SEMA7A: variants seen among roughly 807,000 people sequenced by gnomAD.
SEMA7A encodes semaphorin-7A.
A neutral mutation model predicts 67.5 loss-of-function variants in SEMA7A; 21 were observed. The ratio of observed to expected loss-of-function variants is 0.31; its 90% CI spans 0.22 to 0.45. SEMA7A has a LOEUF of 0.45. SEMA7A is among the 20% of genes least tolerant of loss of function. SEMA7A has a pLI of 1.00. For synonymous variants in SEMA7A, 364 were observed against 368.5 expected, an observed-to-expected ratio of 0.99 and a Z score of 0.14; for missense variants, 774 against 908.6, an observed-to-expected ratio of 0.85 and a Z score of 1.90.
intron 1 of SEMA7A, among the ~76,000 whole-genome samples, chr15:74,428,900 A>G (rs548348272): frequency 6.4e-4 from 98 of 152,250 alleles, no homozygotes; most frequent in African/African-American, 2.2e-3. Context: ...GGAAGGGGGA[A>G]CTCTGTCCTC....
At position 74,433,813 on chromosome 15, in the gene SEMA7A, G is replaced by A. The variant is rs1325786385; in HGVS notation, c.106C>T (p.Leu36=). The change falls in exon 1 of 14, where the codon CTG becomes TTG. Residue 36 remains leucine (L), a synonymous_variant. Coordinates refer to ENST00000261918, the MANE Select transcript of SEMA7A (RefSeq NM_003612.5). ...GLPLRLRLLL[L]LWAAAASAQG... is the part of the protein sequence containing the mutation. The stretch of plus-strand genomic sequence containing the variant: ...GCGGAGGCGGCGGCCGCCCAGAGCA[G>A]CAGCAGCAGCCGCAGCCGCAGCGGA... 2 of 1,388,096 alleles carry A rather than the reference G, an allele frequency of 1.4e-6. No individual in the cohort carries two copies. Among genetic ancestry groups the A allele is most frequent in the African/African-American group, 3.0e-5 (2 of 66,122 alleles). The allele number at this position is 1,388,096 out of a possible 1,614,324, so 86.0% of individuals were successfully genotyped here. A position where few individuals can be genotyped will look rare whatever the true frequency, so the allele number is the denominator to read the frequency against.
Position 74,414,095 on chromosome 15 carries a change from C to T in SEMA7A, c.1294+452G>A, listed in dbSNP as rs998613824. On this transcript the variant is annotated intron_variant, in intron 10 of 13. Coordinates refer to ENST00000261918, the MANE Select transcript of SEMA7A (RefSeq NM_003612.5). This position sits in a 1 kb window ranked among gnomAD's most constrained non-coding sequence, Gnocchi z 4.1. ...ACTCCTTCCTCATACCTAATTTGTG[C>T]CCCATCAACTCCTCAAATGTTTCCT... is the stretch of plus-strand genomic sequence containing the variant. 3.3e-5 allele frequency among the ~76,000 whole-genome samples: 5 copies of T among 152,212 alleles called. No homozygotes were observed. The highest frequency in any genetic ancestry group is 2.6e-4 in the Admixed American group (4 of 15,284).
intron 6 of SEMA7A, 75 bp from the exon 7 acceptor site, chr15:74,416,789 C>T (rs1269565546): frequency 2.6e-6 from 4 of 1,523,850 alleles, no homozygotes; most frequent in Non-Finnish European, 2.7e-6. Flanking sequence ...TGCACACTCT[C>T]CTCCCTCCTT....
At chr15:74,417,740 A>G (rs1259167973) in intron 4 of SEMA7A, 65 bp from the exon 5 acceptor site, 9 of 1,551,032 alleles carry the variant, frequency 5.8e-6, no homozygotes, top group Non-Finnish European at 7.1e-6. Flanking sequence ...CATGACGGCC[A>G]GTTTCTCGGC....
chr15:74,433,883 G>T lies in SEMA7A; in HGVS notation c.36C>A (p.Ser12Arg), dbSNP rs1201511710. ...TPPPPGRAAP[S>R]APRARVPGPP... ...GGCCAGGGACGCGGGCGCGCGGTGCGCTGGGGGCGGCACGTCCGGGCGGAG... is the reference window on the plus strand; with the variant it reads ...GGCCAGGGACGCGGGCGCGCGGTGCTCTGGGGGCGGCACGTCCGGGCGGAG... The change falls in exon 1 of 14, where the codon AGC becomes AGA. Residue 12 changes from serine to arginine, a missense_variant. Physicochemically the swap from Ser to Arg is moderately radical, Grantham distance 110 (BLOSUM62 -1). Coordinates refer to ENST00000261918, the MANE Select transcript of SEMA7A (RefSeq NM_003612.5). 73 of 1,269,548 alleles carry T rather than the reference G, an allele frequency of 5.8e-5. No homozygotes were observed. Among genetic ancestry groups the T allele is most frequent in the Non-Finnish European group, 7.1e-5 (72 of 1,013,064 alleles). The allele number at this position is 1,269,548 out of a possible 1,614,324, so 78.6% of individuals were successfully genotyped here.
At position 74,410,884 on chromosome 15, in the gene SEMA7A, C is replaced by A; in HGVS notation, c.1741G>T (p.Glu581Ter). ...RHATYSWRHK[E>*]NVEQSCEPGH... ...GGTTCGCAGCTCTGCTCCACGTTCTCCTTGTGGCGCCATGAGTAGGTGGCG... is the reference window on the plus strand; with the variant it reads ...GGTTCGCAGCTCTGCTCCACGTTCTACTTGTGGCGCCATGAGTAGGTGGCG... Residue 581 changes from glutamate to a stop codon, truncating the protein, a stop_gained, in exon 14 of 14, where the codon GAG becomes TAG. Coordinates refer to ENST00000261918, the MANE Select transcript of SEMA7A (RefSeq NM_003612.5). LOFTEE classifies it low-confidence loss of function (END_TRUNC). The surrounding 1 kb of genome is among the most constrained non-coding windows in gnomAD (Gnocchi z 7.5). 1 of 1,614,182 alleles carries A rather than the reference C, an allele frequency of 6.2e-7. No homozygotes were observed. The highest frequency in any genetic ancestry group is 8.5e-7 in the Non-Finnish European group (1 of 1,180,040).
At chr15:74,413,207 G>C (rs765848862) in intron 10 of SEMA7A, among the ~76,000 whole-genome samples, 1 of 152,170 alleles carries the variant, frequency 6.6e-6, no homozygotes, top group Non-Finnish European at 1.5e-5. Context: ...CAGACATACT[G>C]CCCTATACCT....
chr15:74,417,870 T>C lies in SEMA7A; in HGVS notation c.465+7A>G. On this transcript the variant is annotated splice_region_variant and intron_variant, in intron 4 of 13. Coordinates refer to ENST00000261918, the MANE Select transcript of SEMA7A (RefSeq NM_003612.5). ...CTGATCAGGCACATGGGGAGCAGCC[T>C]TCTCACCAGGTTCCAGCAGCTGGGG... The C allele has an allele frequency of 6.2e-7, 1 of 1,613,320 alleles. No homozygotes were observed. The highest frequency in any genetic ancestry group is 1.3e-5 in the African/African-American group (1 of 75,056).
In SEMA7A at chr15:74,414,665, C is replaced by T; in HGVS notation, c.1176G>A (p.Glu392=). ...ATGGCGTCTTCAGAGGCCCCATGGGCTCCACCCTCTGCGCCACCTCTGGGT... is the reference window on the plus strand; with the variant it reads ...ATGGCGTCTTCAGAGGCCCCATGGGTTCCACCCTCTGCGCCACCTCTGGGT... The part of the protein sequence containing the change: ...DRHPEVAQRV[E]PMGPLKTPLF... The change falls in exon 10 of 14, where the codon GAG becomes GAA. Residue 392 remains glutamate, a synonymous_variant. Transcript: ENST00000261918. This position sits in a 1 kb window ranked among gnomAD's most constrained non-coding sequence, Gnocchi z 4.1. 1 of 1,614,162 alleles carries T rather than the reference C, an allele frequency of 6.2e-7. No homozygotes were observed. Among genetic ancestry groups the T allele is most frequent in the Non-Finnish European group, 8.5e-7 (1 of 1,180,036 alleles).
At chr15:74,421,470 G>T (rs774460242) in intron 1 of SEMA7A, among the ~76,000 whole-genome samples, 48 of 152,140 alleles carry the variant, frequency 3.2e-4, no homozygotes, top group Non-Finnish European at 6.3e-4. Context: ...AGCAGGGACT[G>T]TTCGTCCCAT....
chr15:74,413,176 C>T (rs1331556313), intron 10 of SEMA7A, among the ~76,000 whole-genome samples: 1 of 151,828 alleles, frequency 6.6e-6, no homozygotes, highest in Non-Finnish European at 1.5e-5. Flanking sequence ...TGATAAGGCC[C>T]CACCCCAGCC....
rs1241443641 is a variant in SEMA7A at position 74,423,134 on chromosome 15, C to T, written c.179-4182G>A. Reference sequence around the variant, plus strand: ...CTAAGTCAGGCAGTCAGAGAGGCCCCGGGCCAAAGAGCAGAAAGCAGGCCG... The same window carrying T: ...CTAAGTCAGGCAGTCAGAGAGGCCCTGGGCCAAAGAGCAGAAAGCAGGCCG... On this transcript the variant is annotated intron_variant, in intron 1 of 13. Coordinates refer to ENST00000261918, the MANE Select transcript of SEMA7A (RefSeq NM_003612.5). The surrounding 1 kb of genome is among the most constrained non-coding windows in gnomAD (Gnocchi z 4.1). 1.3e-5 allele frequency among the ~76,000 whole-genome samples: 2 copies of T among 152,222 alleles called. No individual in the cohort carries two copies.
At position 74,418,970 on chromosome 15, in the gene SEMA7A, A is replaced by C. The variant is rs1162223837; in HGVS notation, c.179-18T>G. 3.7e-6 allele frequency: 6 copies of C among 1,610,428 alleles called. No homozygotes were observed. Among genetic ancestry groups the C allele is most frequent in the Non-Finnish European group, 5.1e-6 (6 of 1,179,104 alleles). ...TACATGGCCTGAGGAGGAGACAATTAGTAGAAACATTGAAGCCAGGTCCCG... is the reference window on the plus strand; with the variant it reads ...TACATGGCCTGAGGAGGAGACAATTCGTAGAAACATTGAAGCCAGGTCCCG... On this transcript the variant is annotated intron_variant, in intron 1 of 13. Transcript: ENST00000261918.
At chr15:74,424,759 G>C (rs2141286766) in intron 1 of SEMA7A, among the ~76,000 whole-genome samples, 1 of 152,334 alleles carries the variant, frequency 6.6e-6, no homozygotes, top group African/African-American at 2.4e-5. Context: ...GAGTGGGTAA[G>C]ATGCCCTGAG....
chr15:74,431,685 C>T lies in SEMA7A; in HGVS notation c.178+2056G>A, dbSNP rs539685810. Among the ~76,000 whole-genome samples, 87 of 152,356 alleles carry T rather than the reference C, an allele frequency of 5.7e-4. 1 individual carries two copies. Among genetic ancestry groups the T allele is most frequent in the Non-Finnish European group, 3.2e-4 (22 of 68,030 alleles). On this transcript the variant is annotated intron_variant, in intron 1 of 13. Transcript: ENST00000261918. The stretch of plus-strand genomic sequence containing the variant: ...TGTCCTACCCAAGCCCATTCCTGTC[C>T]GATTGCCATGTGTCACCCCACAGGA...
intron 1 of SEMA7A, among the ~76,000 whole-genome samples, chr15:74,420,344 T>C (rs1013498992): frequency 2.0e-5 from 3 of 152,168 alleles, no homozygotes; most frequent in South Asian, 4.1e-4. Context: ...AATGCTGAGG[T>C]ACCCTGGGAG....
chr15:74,415,318 G>C (rs1001172241), intron 8 of SEMA7A, among the ~76,000 whole-genome samples: 6 of 152,242 alleles, frequency 3.9e-5, no homozygotes, highest in African/African-American at 1.4e-4. Context: ...TCACCCAGGA[G>C]CCACAGAGCA....
intron 1 of SEMA7A, among the ~76,000 whole-genome samples, chr15:74,433,158 T>A (rs1037199357): frequency 1.3e-5 from 2 of 151,872 alleles, no homozygotes; most frequent in African/African-American, 4.8e-5. Context: ...CACCGCACCA[T>A]GTCCCGCCGC....
intron 6 of SEMA7A, 76 bp from the exon 7 acceptor site, chr15:74,416,790 C>T (rs1220547187): frequency 1.5e-5 from 22 of 1,516,478 alleles, no homozygotes; most frequent in Non-Finnish European, 1.8e-5. Context: ...GCACACTCTC[C>T]TCCCTCCTTC....
Sources: gnomAD v4.1 joint callset for allele counts (sites outside exome capture counted in the v4.1 genomes callset) on GRCh38, gnomAD v4.1.1 for gene constraint, Gnocchi (gnomAD v3.1) non-coding constraint, MANE v1.5 for transcripts, NCBI Gene and HGNC (gene_info 2026-07-23, HGNC 2026-07-21) for gene names.